FRZB: variants seen among roughly 807,000 people sequenced by gnomAD.
The protein encoded by FRZB is frizzled related protein, also known as secreted frizzled-related protein 3.
Under a neutral mutation model 32.5 loss-of-function variants are expected in FRZB, and 34 were observed. The ratio of observed to expected loss-of-function variants is 1.05; its 90% CI spans 0.80 to 1.39. The LOEUF is 1.39. FRZB is among the 40% of genes most tolerant of loss of function. The pLI, the probability that FRZB is intolerant of heterozygous loss-of-function variation, is 0.00. For missense variants in FRZB, 423 were observed against 424.8 expected (o/e 1.00, Z 0.04); for synonymous variants, 170 against 159.2 (o/e 1.07, Z -0.51).
At chr2:182,865,382 C>T (rs1481128749) in intron 1 of FRZB, among the ~76,000 whole-genome samples, 2 of 152,044 alleles carry the variant, frequency 1.3e-5, no homozygotes, top group Non-Finnish European at 2.9e-5. Flanking sequence ...TGGCAAGCCA[C>T]AGAAGCTAAT....
rs376840088 is a variant in FRZB, at chr2:182,833,499, G to A, written c.*1350C>T. The A allele has an allele frequency of 6.6e-6, 1 of 152,042 alleles. No individual in the cohort carries two copies. Among genetic ancestry groups the A allele is most frequent in the African/African-American group, 2.4e-5 (1 of 41,382 alleles). 9.4% of individuals were successfully genotyped at this position (152,042 alleles called of 1,614,324 possible). ...AAATATCGTAAGTTGAAATGCATTGGGTTACATCCTGATAAACCCATTGTA... is the reference window on the plus strand; with the variant it reads ...AAATATCGTAAGTTGAAATGCATTGAGTTACATCCTGATAAACCCATTGTA... On this transcript the variant is annotated 3_prime_UTR_variant, in exon 6 of 6. Transcript: ENST00000295113.
intron 5 of FRZB, 61 bp downstream of exon 5, chr2:182,837,887 C>T: frequency 7.7e-7 from 1 of 1,299,270 alleles, no homozygotes; most frequent in Non-Finnish European, 1.1e-6. Flanking sequence ...TGACAGATGG[C>T]TGGTTTTCTA....
chr2:182,858,250 A>G (rs1041795027), intron 2 of FRZB, among the ~76,000 whole-genome samples: 1 of 152,262 alleles, frequency 6.6e-6, no homozygotes, highest in African/African-American at 2.4e-5. Context: ...GAGACAACCC[A>G]AACTTCCTTG....
Position 182,866,478 on chromosome 2 carries a change from G to T in FRZB, c.75C>A (p.Leu25=). Residue 25 remains leucine, a synonymous_variant, in exon 1 of 6, where the codon CTC becomes CTA. Transcript: ENST00000295113. The surrounding 1 kb of genome is among the most constrained non-coding windows in gnomAD (Gnocchi z 4.5). ...CTGCAGCCCGAGCCCCGGGCACCCG[G>T]AGCAGGCAGAGAGCAGCCAGGGCAA... ...GLLALAALCL[L]RVPGARAAAC... is the part of the protein sequence containing the mutation. The T allele has an allele frequency of 6.4e-7, 1 of 1,555,524 alleles. No individual in the cohort carries two copies.
chr2:182,866,061 G>A lies in FRZB; in HGVS notation c.478+14C>T, dbSNP rs754110763. 1 of 1,587,750 alleles carries A rather than the reference G, an allele frequency of 6.3e-7. No individual in the cohort carries two copies. Among genetic ancestry groups the A allele is most frequent in the Non-Finnish European group, 8.6e-7 (1 of 1,160,562 alleles). On this transcript the variant is annotated intron_variant, in intron 1 of 5. Transcript: ENST00000295113. The surrounding 1 kb of genome is among the most constrained non-coding windows in gnomAD (Gnocchi z 4.5). ...CTGTAGGGTAAGGGAAGGGTGGGCC[G>A]TGTCAAAACTCACCAGCTCCGTCCG... is the stretch of plus-strand genomic sequence containing the variant.
chr2:182,849,932 T>G, intron 2 of FRZB, among the ~76,000 whole-genome samples: 1 of 152,160 alleles, frequency 6.6e-6, no homozygotes, highest in East Asian at 1.9e-4. Flanking sequence ...TCTAAGGAAG[T>G]CAATTAACAA....
intron 2 of FRZB, among the ~76,000 whole-genome samples, chr2:182,843,841 G>A (rs955452340): frequency 6.6e-6 from 1 of 152,028 alleles, no homozygotes; most frequent in African/African-American, 2.4e-5. Flanking sequence ...TGAGTTGGGA[G>A]GATCACTTGA....
chr2:182,837,971 C>A lies in FRZB; in HGVS notation c.838G>T (p.Asp280Tyr). The change falls in exon 5 of 6, where the codon GAT (aspartate) becomes TAT (tyrosine). Residue 280 changes from aspartate to tyrosine, a missense_variant. Physicochemically the swap from Asp to Tyr is radical, Grantham distance 160. Transcript: ENST00000295113. ...ACCTTAACTTTTTTACCGAGTCGATCCTTCCACTTCTCAGCTATAGAGCCT... is the reference window on the plus strand; with the variant it reads ...ACCTTAACTTTTTTACCGAGTCGATACTTCCACTTCTCAGCTATAGAGCCT... ...VEGSIAEKWK[D>Y]RLGKKVKRWD... is the part of the protein sequence containing the mutation. 1.2e-6 allele frequency: 2 copies of A among 1,612,008 alleles called. No individual in the cohort carries two copies. Among genetic ancestry groups the A allele is most frequent in the Non-Finnish European group, 8.5e-7 (1 of 1,178,780 alleles).
intron 2 of FRZB, among the ~76,000 whole-genome samples, chr2:182,843,875 G>C (rs1351704858): frequency 6.6e-6 from 1 of 151,686 alleles, no homozygotes; most frequent in Non-Finnish European, 1.5e-5. Flanking sequence ...AAGCTGCAGT[G>C]AGCCAAGCTC....
chr2:182,842,778 C>A (rs1429413398), intron 2 of FRZB, among the ~76,000 whole-genome samples: 2 of 152,070 alleles, frequency 1.3e-5, no homozygotes, highest in Non-Finnish European at 2.9e-5. Flanking sequence ...CAACAAACCA[C>A]CCAAATCCTG....
At chr2:182,855,774 T>A (rs1180855285) in intron 2 of FRZB, among the ~76,000 whole-genome samples, 2 of 152,162 alleles carry the variant, frequency 1.3e-5, no homozygotes, top group Non-Finnish European at 2.9e-5. Context: ...CATTATAAAT[T>A]TATAGATTCA....
At chr2:182,845,347 T>TG in intron 2 of FRZB, among the ~76,000 whole-genome samples, 1 of 152,310 alleles carries the variant, frequency 6.6e-6, no homozygotes, top group East Asian at 1.9e-4. Context: ...ATACTCTTTT[T>TG]GGGGGGCCTG....
At chr2:182,841,249 A>G (rs963775787) in intron 3 of FRZB, among the ~76,000 whole-genome samples, 1 of 152,138 alleles carries the variant, frequency 6.6e-6, no homozygotes, top group African/African-American at 2.4e-5. Flanking sequence ...AAAATTTGGG[A>G]AACAAGGTGG....
intron 1 of FRZB, among the ~76,000 whole-genome samples, chr2:182,860,754 C>T (rs1695822193): frequency 6.6e-6 from 1 of 151,688 alleles, no homozygotes; most frequent in Non-Finnish European, 1.5e-5. Flanking sequence ...GTAGTCCCAG[C>T]TACTCAGGAG....
chr2:182,865,606 C>A (rs1695881512), intron 1 of FRZB, among the ~76,000 whole-genome samples: 1 of 152,174 alleles, frequency 6.6e-6, no homozygotes. Context: ...TTTTCTGTTT[C>A]CTCCACACAA....
chr2:182,858,948 G>A (rs1695800604), intron 1 of FRZB, 115 bp from the exon 2 acceptor site: 1 of 850,014 alleles, frequency 1.2e-6, no homozygotes, highest in Non-Finnish European at 1.9e-6. Flanking sequence ...TTGTCTGAAG[G>A]AAGTAGATTT....
intron 5 of FRZB, among the ~76,000 whole-genome samples, chr2:182,837,651 A>G (rs890925092): frequency 2.0e-5 from 3 of 151,972 alleles, no homozygotes; most frequent in African/African-American, 7.2e-5. Context: ...GATAAGCTAG[A>G]AGGAGCCTGA....
chr2:182,847,754 A>G (rs550582015), intron 2 of FRZB, among the ~76,000 whole-genome samples: 1 of 152,242 alleles, frequency 6.6e-6, no homozygotes, highest in Non-Finnish European at 1.5e-5. Context: ...AAGCAAAGAA[A>G]GTATAAAGCA....
chr2:182,864,140 G>C (rs1695864530), intron 1 of FRZB, among the ~76,000 whole-genome samples: 1 of 152,204 alleles, frequency 6.6e-6, no homozygotes, highest in African/African-American at 2.4e-5. Context: ...TGAGGCAACT[G>C]TTTCCATGTT....
Sources: gnomAD v4.1 joint callset for allele counts (sites outside exome capture counted in the v4.1 genomes callset) on GRCh38, gnomAD v4.1.1 for gene constraint, Gnocchi (gnomAD v3.1) non-coding constraint, MANE v1.5 for transcripts, NCBI Gene and HGNC (gene_info 2026-07-23, HGNC 2026-07-21) for gene names.